Variants in NOL4 observed in about 807,000 individuals in gnomAD.
The protein encoded by NOL4 is cancer/testis antigen 125.
In NOL4, 17 loss-of-function variants were observed where a neutral mutation model predicts 75.9. The ratio of observed to expected loss-of-function variants is 0.22; its 90% CI spans 0.15 to 0.34. The LOEUF is 0.34. NOL4 is among the 10% of genes least tolerant of loss of function. NOL4 has a pLI of 1.00. For missense variants in NOL4, 614 were observed against 793.5 expected, an observed-to-expected ratio of 0.77 and a Z score of 2.72; for synonymous variants, 292 against 289.9, an observed-to-expected ratio of 1.01 and a Z score of -0.07.
intron 2 of NOL4, among the ~76,000 whole-genome samples, chr18:34,125,155 T>C (rs1339717168): frequency 1.3e-5 from 2 of 152,190 alleles, no homozygotes; most frequent in Non-Finnish European, 2.9e-5. Context: ...GGTCAATGGT[T>C]TAACCCAAAT....
intron 5 of NOL4, among the ~76,000 whole-genome samples, chr18:34,088,469 C>G (rs769256768): frequency 6.6e-6 from 1 of 152,014 alleles, no homozygotes; most frequent in Non-Finnish European, 1.5e-5. Context: ...AAATGGCTGG[C>G]AGAACAAGAA....
intron 5 of NOL4, among the ~76,000 whole-genome samples, chr18:34,074,211 T>A (rs917864048): frequency 3.3e-5 from 5 of 151,406 alleles, no homozygotes; most frequent in Non-Finnish European, 7.4e-5. Flanking sequence ...TTTTCAATAT[T>A]CATATTTTTT....
At chr18:34,194,280 T>A (rs550777836) in intron 1 of NOL4, among the ~76,000 whole-genome samples, 29 of 152,228 alleles carry the variant, frequency 1.9e-4, no homozygotes, top group African/African-American at 6.7e-4. Flanking sequence ...AATTTAGTCA[T>A]CCCACAATCT....
intron 8 of NOL4, among the ~76,000 whole-genome samples, chr18:33,953,139 T>C (rs528752062): frequency 4.0e-5 from 6 of 151,800 alleles, no homozygotes; most frequent in African/African-American, 1.4e-4. Context: ...TGGAAGCATT[T>C]ATATGTAAGT....
At chr18:34,015,253 G>T (rs978158477) in intron 6 of NOL4, among the ~76,000 whole-genome samples, 7 of 151,876 alleles carry the variant, frequency 4.6e-5, no homozygotes, top group African/African-American at 1.7e-4. Flanking sequence ...AGTCTCCTTC[G>T]CAATTAAAAT....
intron 5 of NOL4, among the ~76,000 whole-genome samples, chr18:34,074,080 A>C (rs1224277999): frequency 6.6e-6 from 1 of 151,874 alleles, no homozygotes; most frequent in Non-Finnish European, 1.5e-5. Context: ...AAAATATTTG[A>C]AGTAATTACT....
intron 5 of NOL4, among the ~76,000 whole-genome samples, chr18:34,075,018 T>C (rs1041962599): frequency 3.5e-4 from 54 of 152,258 alleles, no homozygotes; most frequent in African/African-American, 1.3e-3. Context: ...TAAAACTCAG[T>C]ATATTAACAA....
chr18:34,130,094 A>G, intron 1 of NOL4, 74 bp from the exon 2 acceptor site: 1 of 1,351,118 alleles, frequency 7.4e-7, no homozygotes, highest in Non-Finnish European at 9.7e-7. Context: ...CAAATTGTTT[A>G]AAACAAAATG....
At chr18:34,101,125 A>G (rs1445648102) in intron 4 of NOL4, among the ~76,000 whole-genome samples, 4 of 152,172 alleles carry the variant, frequency 2.6e-5, no homozygotes, top group African/African-American at 9.7e-5. Context: ...AGCCACTATT[A>G]TCTTCTTTCC....
At chr18:33,951,917 T>C (rs547897209) in intron 8 of NOL4, among the ~76,000 whole-genome samples, 7 of 152,314 alleles carry the variant, frequency 4.6e-5, no homozygotes, top group Non-Finnish European at 8.8e-5. Context: ...AAAATGCATG[T>C]ATCCTGAACT....
rs2146333921 is a variant in NOL4, at chr18:34,181,723, A to T, written c.264+41267T>A. On this transcript the variant is annotated intron_variant, in intron 1 of 10. Coordinates refer to ENST00000261592, the MANE Select transcript of NOL4 (RefSeq NM_003787.5). ...AGAACTCTTGCAGCTTAACACTGAA[A>T]AAAAAATTGAAGTGGGCTAAGTGTT... Among the ~76,000 whole-genome samples the T allele has an allele frequency of 1.3e-5, 2 of 151,668 alleles. 1 individual carries two copies. The highest frequency in any genetic ancestry group is 4.1e-4 in the South Asian group (2 of 4,828).
At chr18:33,964,910 T>C (rs1431864110) in intron 6 of NOL4, among the ~76,000 whole-genome samples, 1 of 152,134 alleles carries the variant, frequency 6.6e-6, no homozygotes, top group Non-Finnish European at 1.5e-5. Flanking sequence ...AGAAATAAGA[T>C]ATATTAAAGG....
At chr18:33,942,233 A>G (rs1164244370) in intron 9 of NOL4, among the ~76,000 whole-genome samples, 1 of 152,042 alleles carries the variant, frequency 6.6e-6, no homozygotes, top group Non-Finnish European at 1.5e-5. Context: ...AATATAAAGC[A>G]TATAATCCAT....
intron 8 of NOL4, among the ~76,000 whole-genome samples, chr18:33,947,282 C>G (rs969566574): frequency 6.6e-6 from 1 of 151,650 alleles, no homozygotes; most frequent in Non-Finnish European, 1.5e-5. Context: ...TTACATTTGA[C>G]AGTTGAGGGC....
Position 34,084,692 on chromosome 18 carries a change from G to A in NOL4, c.772+8773C>T, listed in dbSNP as rs141223840. Reference sequence around the variant, plus strand: ...ACTGTAAATTTATAATAATTATAATGAAATATCCTTTCAACCCCTTTCTTC... The same window carrying A: ...ACTGTAAATTTATAATAATTATAATAAAATATCCTTTCAACCCCTTTCTTC... On this transcript the variant is annotated intron_variant, in intron 5 of 10. Coordinates refer to ENST00000261592, the MANE Select transcript of NOL4 (RefSeq NM_003787.5). Among the ~76,000 whole-genome samples, 346 of 152,202 alleles carry A rather than the reference G, an allele frequency of 2.3e-3. 1 individual carries two copies. The highest frequency in any genetic ancestry group is 8.0e-3 in the African/African-American group (331 of 41,534).
chr18:34,182,954 T>C (rs930074432), intron 1 of NOL4, among the ~76,000 whole-genome samples: 18 of 151,800 alleles, frequency 1.2e-4, no homozygotes, highest in African/African-American at 4.3e-4. Flanking sequence ...CAGAATATTT[T>C]AGTATTAAAC....
At position 34,222,991 on chromosome 18, in the gene NOL4, G is replaced by C; in HGVS notation, c.263C>G (p.Thr88Arg). 1 of 1,606,436 alleles carries C rather than the reference G, an allele frequency of 6.2e-7. No individual in the cohort carries two copies. The highest frequency in any genetic ancestry group is 8.5e-7 in the Non-Finnish European group (1 of 1,179,794). ...KQVLYVPVKT[T>R]DGVGVDEKLS... ...AACAGAGGAAGGCGAGTCACTCACCGTGGTCTTGACAGGCACGTAGAGCAC... is the reference window on the plus strand; with the variant it reads ...AACAGAGGAAGGCGAGTCACTCACCCTGGTCTTGACAGGCACGTAGAGCAC... Residue 88 changes from threonine (T) to arginine (R), a missense_variant and splice_region_variant, in exon 1 of 11, where the codon ACG (threonine) becomes AGG (arginine). By Grantham distance (71) the Thr-to-Arg change is moderately conservative. Coordinates refer to ENST00000261592, the MANE Select transcript of NOL4 (RefSeq NM_003787.5).
chr18:34,160,935 A>C (rs2031372912), intron 1 of NOL4, among the ~76,000 whole-genome samples: 1 of 152,158 alleles, frequency 6.6e-6, no homozygotes, highest in Admixed American at 6.5e-5. Flanking sequence ...ATATAGGCAT[A>C]ATTTTGTGTC....
intron 1 of NOL4, among the ~76,000 whole-genome samples, chr18:34,144,861 A>G (rs915666332): frequency 2.8e-4 from 43 of 152,140 alleles, no homozygotes; most frequent in African/African-American, 8.9e-4. Context: ...TTCTCCTTAT[A>G]GGATCTACTT....
Sources: allele counts gnomAD v4.1 joint callset (sites outside exome capture counted in the v4.1 genomes callset), GRCh38; gene constraint gnomAD v4.1.1; transcripts MANE v1.5; gene names NCBI Gene and HGNC (gene_info 2026-07-23, HGNC 2026-07-21).